Variants in TGFB2 observed in about 807,000 individuals in gnomAD.
TGFB2 encodes transforming growth factor beta 2.
TGFB2 carries 13 observed loss-of-function variants against 42.7 expected under a neutral mutation model. The ratio of observed to expected loss-of-function variants is 0.30; its 90% CI spans 0.20 to 0.48. TGFB2 has a LOEUF of 0.48. Among genes scored for constraint, TGFB2 ranks in the 20% least tolerant of loss-of-function variants. TGFB2 has a pLI of 0.99. For missense variants in TGFB2, 390 were observed against 517.5 expected, an observed-to-expected ratio of 0.75 and a Z score of 2.39; for synonymous variants, 193 against 193.6, an observed-to-expected ratio of 1.00 and a Z score of 0.03.
chr1:218,412,519 C>T (rs1274044223), intron 2 of TGFB2, among the ~76,000 whole-genome samples: 1 of 152,228 alleles, frequency 6.6e-6, no homozygotes, highest in East Asian at 1.9e-4. Flanking sequence ...TGCGTACTCA[C>T]ATCCCAGGAT....
intron 2 of TGFB2, 104 bp from the exon 3 acceptor site, chr1:218,433,978 G>A: frequency 2.1e-6 from 3 of 1,435,826 alleles, no homozygotes; most frequent in Non-Finnish European, 2.9e-6. Flanking sequence ...TACTACAGTA[G>A]AGCTAAATTT....
intron 1 of TGFB2, among the ~76,000 whole-genome samples, chr1:218,381,349 G>A (rs758240472): frequency 1.3e-5 from 2 of 149,556 alleles, no homozygotes; most frequent in South Asian, 2.2e-4. Flanking sequence ...TCCGCCTCCC[G>A]GGTTCACGCC....
intron 1 of TGFB2, among the ~76,000 whole-genome samples, chr1:218,354,305 A>T (rs1220823942): frequency 1.3e-5 from 2 of 152,192 alleles, no homozygotes; most frequent in Non-Finnish European, 2.9e-5. Context: ...CTTCATTATC[A>T]GGGAAAATGT....
chr1:218,356,893 A>G (rs1657052404), intron 1 of TGFB2, among the ~76,000 whole-genome samples: 1 of 152,230 alleles, frequency 6.6e-6, no homozygotes, highest in African/African-American at 2.4e-5. Flanking sequence ...GGCTTTAGCA[A>G]TAGTATGACA....
At chr1:218,431,313 C>A (rs972741826) in intron 2 of TGFB2, among the ~76,000 whole-genome samples, 17 of 152,194 alleles carry the variant, frequency 1.1e-4, no homozygotes, top group African/African-American at 3.9e-4. Context: ...GAAAAAGCTT[C>A]AGAGTCTCTT....
chr1:218,429,074 G>A (rs1364985924), intron 2 of TGFB2, among the ~76,000 whole-genome samples: 1 of 147,524 alleles, frequency 6.8e-6, no homozygotes, highest in Non-Finnish European at 1.5e-5. Flanking sequence ...TCCGCCTCCT[G>A]GGCTCAAGCA....
chr1:218,407,057 C>T (rs1658937445), intron 2 of TGFB2, among the ~76,000 whole-genome samples: 1 of 151,948 alleles, frequency 6.6e-6, no homozygotes, highest in Non-Finnish European at 1.5e-5. Context: ...GAATATGAGA[C>T]CTGAAGAATA....
At chr1:218,389,105 A>G (rs1210462166) in intron 1 of TGFB2, among the ~76,000 whole-genome samples, 3 of 152,176 alleles carry the variant, frequency 2.0e-5, no homozygotes, top group African/African-American at 7.2e-5. Flanking sequence ...TTTTCTCAAC[A>G]GTAAAATGGG....
chr1:218,374,563 CT>C (rs1287454565), intron 1 of TGFB2, among the ~76,000 whole-genome samples: 1 of 152,182 alleles, frequency 6.6e-6, no homozygotes, highest in Non-Finnish European at 1.5e-5. Context: ...TATTAGTAGG[CT>C]TTTAAAAAAT....
At chr1:218,430,906 C>T (rs1293078890) in intron 2 of TGFB2, among the ~76,000 whole-genome samples, 3 of 152,138 alleles carry the variant, frequency 2.0e-5, no homozygotes, top group Admixed American at 6.5e-5. Context: ...TTAGAGAAAG[C>T]AAGCAAGCAC....
intron 2 of TGFB2, among the ~76,000 whole-genome samples, chr1:218,419,409 G>A (rs536904483): frequency 4.6e-5 from 7 of 152,076 alleles, no homozygotes; most frequent in South Asian, 2.1e-4. Context: ...TCTCAGAGTC[G>A]CTTTTCCCAA....
intron 2 of TGFB2, among the ~76,000 whole-genome samples, chr1:218,426,403 C>T (rs1003722299): frequency 1.3e-5 from 2 of 152,210 alleles, no homozygotes; most frequent in African/African-American, 2.4e-5. Context: ...TATTGGGTAA[C>T]ATCAGTGACT....
intron 1 of TGFB2, among the ~76,000 whole-genome samples, chr1:218,397,420 C>T (rs1272039661): frequency 4.6e-5 from 7 of 151,944 alleles, no homozygotes; most frequent in Admixed American, 1.3e-4. Context: ...AAAAATTAGC[C>T]GGGCATGGTG....
intron 2 of TGFB2, among the ~76,000 whole-genome samples, chr1:218,425,460 G>C (rs1451339203): frequency 1.3e-5 from 2 of 152,084 alleles, no homozygotes; most frequent in Non-Finnish European, 2.9e-5. Flanking sequence ...GCCCACCTCA[G>C]CCTCCCAAAG....
At chr1:218,403,851 G>T (rs987758276) in intron 1 of TGFB2, among the ~76,000 whole-genome samples, 7 of 152,086 alleles carry the variant, frequency 4.6e-5, no homozygotes, top group African/African-American at 1.7e-4. Context: ...CACTAGAGTT[G>T]GATGAAACAC....
chr1:218,424,349 G>A (rs1347404020), intron 2 of TGFB2, among the ~76,000 whole-genome samples: 3 of 152,182 alleles, frequency 2.0e-5, no homozygotes, highest in African/African-American at 7.2e-5. Context: ...TAAAACTTGG[G>A]TCAGATAATA....
Position 218,408,516 on chromosome 1 carries a change from A to G in TGFB2, c.510+3184A>G, listed in dbSNP as rs11118104. On this transcript the variant is annotated intron_variant, in intron 2 of 6. Coordinates refer to ENST00000366930, the MANE Select transcript of TGFB2 (RefSeq NM_003238.6). ...AGATTCTAGCAGAAAAATATAAAATAATAGCAATTTTTTTATCTTTCTGGG... is the reference window on the plus strand; with the variant it reads ...AGATTCTAGCAGAAAAATATAAAATGATAGCAATTTTTTTATCTTTCTGGG... 7.1e-3 allele frequency among the ~76,000 whole-genome samples: 1,077 copies of G among 152,276 alleles called. 11 individuals carry two copies. Among genetic ancestry groups the G allele is most frequent in the African/African-American group, 0.024 (994 of 41,534 alleles).
At chr1:218,353,850 G>A (rs11466370) in intron 1 of TGFB2, among the ~76,000 whole-genome samples, 5,751 of 152,252 alleles carry the variant, frequency 0.038, 344 homozygotes, top group African/African-American at 0.13. Context: ...TGACTGCCCC[G>A]CTGTCCTCCA....
At chr1:218,395,816 A>G (rs189869614) in intron 1 of TGFB2, among the ~76,000 whole-genome samples, 1,936 of 151,992 alleles carry the variant, frequency 0.013, 18 homozygotes, top group Non-Finnish European at 0.019. Flanking sequence ...GGATTTCACC[A>G]TGTTAGCCAG....
Sources: allele counts gnomAD v4.1 joint callset (sites outside exome capture counted in the v4.1 genomes callset), GRCh38; gene constraint gnomAD v4.1.1; transcripts MANE v1.5; gene names NCBI Gene and HGNC (gene_info 2026-07-23, HGNC 2026-07-21).